Variants in RAPGEF5 observed in about 807,000 individuals in gnomAD.
The protein encoded by RAPGEF5 is Rap guanine nucleotide exchange factor 5.
RAPGEF5 carries 65 observed loss-of-function variants against 125.2 expected under a neutral mutation model. The ratio of observed to expected loss-of-function variants is 0.52; its 90% CI spans 0.43 to 0.64. RAPGEF5 has a LOEUF of 0.64. Among genes scored for constraint, RAPGEF5 ranks in the 30% least tolerant of loss-of-function variants. The probability of loss-of-function intolerance (pLI) is 0.00; values close to 1 mark genes in which losing one functional copy is unlikely to be tolerated. For missense variants in RAPGEF5, 958 were observed against 1,048.1 expected (o/e 0.91, Z 1.19); for synonymous variants, 391 against 385.9 (o/e 1.01, Z -0.16).
intron 11 of RAPGEF5, among the ~76,000 whole-genome samples, chr7:22,179,715 T>C (rs1784616202): frequency 6.6e-6 from 1 of 152,134 alleles, no homozygotes; most frequent in Non-Finnish European, 1.5e-5. Flanking sequence ...TAGTGACAAA[T>C]GTGACCGCCA....
chr7:22,333,572 C>T (rs996106082), intron 1 of RAPGEF5, among the ~76,000 whole-genome samples: 1 of 152,060 alleles, frequency 6.6e-6, no homozygotes, highest in Non-Finnish European at 1.5e-5. Flanking sequence ...AATATTAATG[C>T]TGCAATTTTT....
At chr7:22,220,186 AAGTTGAG>A in intron 8 of RAPGEF5, 195 bp from the exon 9 acceptor site, 1 of 637,182 alleles carries the variant, frequency 1.6e-6, no homozygotes, top group South Asian at 2.4e-5. Flanking sequence ...AAAAGACTTA[AAGTTGAG>A]TCTGCGTATC....
At chr7:22,306,127 T>G (rs1783333991) in intron 5 of RAPGEF5, among the ~76,000 whole-genome samples, 1 of 152,266 alleles carries the variant, frequency 6.6e-6, no homozygotes, top group Admixed American at 6.5e-5. Flanking sequence ...AACTTCAAAC[T>G]GTTCTCCATA....
intron 11 of RAPGEF5, among the ~76,000 whole-genome samples, chr7:22,188,935 T>G (rs986428184): frequency 6.6e-6 from 1 of 151,868 alleles, no homozygotes; most frequent in Non-Finnish European, 1.5e-5. Flanking sequence ...TACTATGTGT[T>G]GCTAAACGCC....
At chr7:22,272,414 A>C (rs1422882450) in intron 6 of RAPGEF5, among the ~76,000 whole-genome samples, 1 of 147,514 alleles carries the variant, frequency 6.8e-6, no homozygotes, top group Non-Finnish European at 1.5e-5. Context: ...GAGAGGACAG[A>C]GCAATATTAG....
At chr7:22,326,036 C>A (rs926436407) in intron 1 of RAPGEF5, among the ~76,000 whole-genome samples, 6 of 152,110 alleles carry the variant, frequency 3.9e-5, no homozygotes, top group African/African-American at 1.4e-4. Flanking sequence ...AAGAAATAAA[C>A]CTTGGAGTAG....
At chr7:22,220,202 T>G (rs1427871697) in intron 8 of RAPGEF5, 1 of 557,636 alleles carries the variant, frequency 1.8e-6, no homozygotes, top group African/African-American at 1.9e-5. Context: ...AGTCTGCGTA[T>G]CACCCTACTT....
intron 15 of RAPGEF5, 94 bp downstream of exon 15, chr7:22,157,761 C>T: frequency 7.4e-7 from 1 of 1,354,220 alleles, no homozygotes; most frequent in Non-Finnish European, 1.1e-6. Context: ...CTGCTCGAGG[C>T]AGTATTCATT....
chr7:22,152,633 A>G (rs1420169677), intron 17 of RAPGEF5, among the ~76,000 whole-genome samples: 1 of 152,214 alleles, frequency 6.6e-6, no homozygotes, highest in Non-Finnish European at 1.5e-5. Flanking sequence ...TTTTAGAAAA[A>G]TCCATAAAAC....
chr7:22,173,390 C>A (rs1784409570), intron 11 of RAPGEF5, among the ~76,000 whole-genome samples: 1 of 152,218 alleles, frequency 6.6e-6, no homozygotes, highest in Non-Finnish European at 1.5e-5. Flanking sequence ...CCAATTCTTA[C>A]AGGCTCACCA....
At chr7:22,159,564 T>C (rs1325224891) in intron 14 of RAPGEF5, among the ~76,000 whole-genome samples, 2 of 152,166 alleles carry the variant, frequency 1.3e-5, no homozygotes, top group Non-Finnish European at 2.9e-5. Context: ...CAGATAACAA[T>C]TTTCCCTTTT....
intron 11 of RAPGEF5, chr7:22,191,597 G>A: frequency 2.1e-6 from 1 of 471,146 alleles, no homozygotes; most frequent in Non-Finnish European, 4.4e-6. Context: ...TTGGCTTTGT[G>A]AGCACATGGC....
rs147681576 is a variant in RAPGEF5, at chr7:22,289,622, G to C, written c.747+1553C>G. 3.5e-3 allele frequency among the ~76,000 whole-genome samples: 497 copies of C among 143,282 alleles called. 4 individuals are homozygous for C. The highest frequency in any genetic ancestry group is 0.012 in the African/African-American group (453 of 36,366). The allele number at this position is 143,282 out of a possible 152,430, so 94.0% of individuals were successfully genotyped here. A position where few individuals can be genotyped will look rare whatever the true frequency, so the allele number is the denominator to read the frequency against. Reference sequence around the variant, plus strand: ...TCCTTTGTGGTCAATATTTTAAACCGAAAAGTTCTAAATATGTTTTCAAAA... The same window carrying C: ...TCCTTTGTGGTCAATATTTTAAACCCAAAAGTTCTAAATATGTTTTCAAAA... On this transcript the variant is annotated intron_variant, in intron 6 of 25. Coordinates refer to ENST00000665637, the MANE Select transcript of RAPGEF5 (RefSeq NM_012294.5).
intron 1 of RAPGEF5, among the ~76,000 whole-genome samples, chr7:22,329,273 C>A (rs1783869652): frequency 6.6e-6 from 1 of 152,010 alleles, no homozygotes; most frequent in Non-Finnish European, 1.5e-5. Context: ...TTCAAAGAGG[C>A]CCCTTTTAAA....
In RAPGEF5 at chr7:22,310,087, C is replaced by G. The variant is rs1365679559; in HGVS notation, c.393G>C (p.Arg131Ser). ...DRVNLKGFYR[R>S]SCVGSELVDW... is the part of the protein sequence containing the mutation. ...CTACCAGCTCTGACCCAACGCAGCT[C>G]CTCCTGAACAAAAGCAAAGCCATTC... Residue 131 changes from arginine to serine, a missense_variant, in exon 4 of 26, where the codon AGG becomes AGC. By Grantham distance (110) the Arg-to-Ser change is moderately radical. Transcript: ENST00000665637. The G allele has an allele frequency of 6.4e-7, 1 of 1,560,316 alleles. No individual in the cohort carries two copies. Among genetic ancestry groups the G allele is most frequent in the East Asian group, 2.4e-5 (1 of 42,026 alleles).
At chr7:22,332,218 G>A (rs1783936356) in intron 1 of RAPGEF5, among the ~76,000 whole-genome samples, 1 of 152,188 alleles carries the variant, frequency 6.6e-6, no homozygotes, top group Non-Finnish European at 1.5e-5. Flanking sequence ...AAGCCTCCCG[G>A]TTGAAGGTTC....
intron 7 of RAPGEF5, among the ~76,000 whole-genome samples, chr7:22,246,662 C>T (rs1786484932): frequency 6.6e-6 from 1 of 151,400 alleles, no homozygotes; most frequent in African/African-American, 2.4e-5. Context: ...GGACATTAGC[C>T]TTGGCAAAAA....
intron 1 of RAPGEF5, among the ~76,000 whole-genome samples, chr7:22,323,147 T>C (rs1354294697): frequency 6.6e-6 from 1 of 152,240 alleles, no homozygotes; most frequent in African/African-American, 2.4e-5. Flanking sequence ...CTGAAGTATC[T>C]TCATGTCTGC....
chr7:22,312,195 C>G (rs1783486608), intron 3 of RAPGEF5, among the ~76,000 whole-genome samples: 1 of 151,964 alleles, frequency 6.6e-6, no homozygotes, highest in African/African-American at 2.4e-5. Context: ...CTGGGTGGGA[C>G]CTCAGATTCC....
Sources: gnomAD v4.1 joint callset for allele counts (sites outside exome capture counted in the v4.1 genomes callset) on GRCh38, gnomAD v4.1.1 for gene constraint, MANE v1.5 for transcripts, NCBI Gene and HGNC (gene_info 2026-07-23, HGNC 2026-07-21) for gene names.